The following CFAP54 variants were observed in gnomAD, a reference collection of about 807,000 sequenced individuals.
The protein encoded by CFAP54 is cilia- and flagella-associated protein 54.
A neutral mutation model predicts 370.4 loss-of-function variants in CFAP54; 290 were observed. The observed-to-expected ratio is 0.78, with a 90% CI of 0.71 to 0.86. The LOEUF is 0.86. CFAP54 is among the 40% of genes least tolerant of loss of function. CFAP54 has a pLI of 0.00. For missense variants in CFAP54, 3,399 were observed against 3,528.7 expected (o/e 0.96, Z 0.93); for synonymous variants, 1,206 against 1,236.5 (o/e 0.98, Z 0.52).
At chr12:96,821,991 T>C (rs1959040666) in intron 65 of CFAP54, among the ~76,000 whole-genome samples, 1 of 152,180 alleles carries the variant, frequency 6.6e-6, no homozygotes, top group Non-Finnish European at 1.5e-5. Context: ...TGTTTTCTTC[T>C]TCACTCCCTT....
chr12:96,691,388 T>C, intron 44 of CFAP54, 78 bp downstream of exon 44: 1 of 1,076,328 alleles, frequency 9.3e-7, no homozygotes, highest in Non-Finnish European at 1.3e-6. Context: ...AAAATTTTGC[T>C]AATGTTCTTT....
intron 60 of CFAP54, among the ~76,000 whole-genome samples, chr12:96,780,214 AT>A (rs1467072971): frequency 6.6e-6 from 1 of 152,130 alleles, no homozygotes; most frequent in African/African-American, 2.4e-5. Flanking sequence ...AGTCCTTATA[AT>A]GGTTTGTATG....
At chr12:96,680,321 A>G (rs139408604) in intron 40 of CFAP54, among the ~76,000 whole-genome samples, 2 of 152,280 alleles carry the variant, frequency 1.3e-5, no homozygotes, top group African/African-American at 4.8e-5. Context: ...ATTCAAGCAA[A>G]GCTGGGCTTT....
At chr12:96,797,948 C>T (rs1189151470) in intron 63 of CFAP54, among the ~76,000 whole-genome samples, 1 of 151,738 alleles carries the variant, frequency 6.6e-6, no homozygotes, top group Non-Finnish European at 1.5e-5. Flanking sequence ...ATTTCTTTAT[C>T]ATTCATTTTT....
Position 96,630,185 on chromosome 12 carries a change from C to A in CFAP54, c.4196C>A (p.Ala1399Glu). 1 of 1,487,876 alleles carries A rather than the reference C, an allele frequency of 6.7e-7. No homozygotes were observed. The highest frequency in any genetic ancestry group is 9.0e-7 in the Non-Finnish European group (1 of 1,112,362). 92.2% of individuals were successfully genotyped at this position (1,487,876 alleles called of 1,614,324 possible). ...AACAAATCTTTAAAGTTCAAAGCTG[C>A]AGTAATGGAAATTGGAAGAGTAAGT... ...KANKSLKFKAAVMEIGRSAEM... is the reference protein window; with the variant it reads ...KANKSLKFKAEVMEIGRSAEM... Residue 1399 changes from alanine to glutamate, a missense_variant, in exon 31 of 68, where the codon GCA becomes GAA. By Grantham distance (107) the Ala-to-Glu change is moderately radical (BLOSUM62 -1). Around this residue, in one of 3 missense-constraint regions of CFAP54, gnomAD observed 2,796 missense variants for 2,869.7 expected, o/e 0.97. Transcript: ENST00000524981.
intron 50 of CFAP54, among the ~76,000 whole-genome samples, chr12:96,732,237 T>A (rs1957929585): frequency 6.6e-6 from 1 of 152,162 alleles, no homozygotes; most frequent in Non-Finnish European, 1.5e-5. Flanking sequence ...ATGATTCTCC[T>A]GTCTCAGCTT....
At chr12:96,738,092 C>G (rs1364139847) in intron 50 of CFAP54, among the ~76,000 whole-genome samples, 1 of 152,118 alleles carries the variant, frequency 6.6e-6, no homozygotes, top group Admixed American at 6.5e-5. Context: ...GGTCATCCAG[C>G]CTGGAGATGA....
chr12:96,780,999 G>A (rs1407271419), intron 60 of CFAP54, among the ~76,000 whole-genome samples: 1 of 151,984 alleles, frequency 6.6e-6, no homozygotes, highest in African/African-American at 2.4e-5. Flanking sequence ...TTGAGAATGC[G>A]CCCCAGCACA....
In CFAP54 at chr12:96,810,350, T is replaced by C. The variant is rs139288103; in HGVS notation, c.8851-1386T>C. On this transcript the variant is annotated intron_variant, in intron 63 of 67. Transcript: ENST00000524981. ...TCTCCTCTTGTGTTCTTTCTGTCCT[T>C]GTGTACTTACGCCTTTTAAAAATAC... Among the ~76,000 whole-genome samples, 31 of 152,246 alleles carry C rather than the reference T, an allele frequency of 2.0e-4. 1 individual carries two copies. Among genetic ancestry groups the C allele is most frequent in the Admixed American group, 5.2e-4 (8 of 15,280 alleles).
At chr12:96,541,561 C>T (rs1050639343) in intron 14 of CFAP54, among the ~76,000 whole-genome samples, 2 of 152,130 alleles carry the variant, frequency 1.3e-5, no homozygotes, top group Non-Finnish European at 2.9e-5. Context: ...GCTGGGATTA[C>T]AGATGTGAGC....
rs1211218146 is a variant in CFAP54, at chr12:96,704,476, A to G, written c.6475-267A>G. Among the ~76,000 whole-genome samples, 60 of 108,494 alleles carry G rather than the reference A, an allele frequency of 5.5e-4. 2 individuals are homozygous for G. In the East Asian group the frequency reaches 9.7e-3, roughly 17 times the overall value. The allele number at this position is 108,494 out of a possible 152,430, so 71.2% of individuals were successfully genotyped here. A position where few individuals can be genotyped will look rare whatever the true frequency, so the allele number is the denominator to read the frequency against. ...TGTATATATATATATATATATATAT[A>G]TATATATATATATATATATATATAT... On this transcript the variant is annotated intron_variant, in intron 46 of 67. Coordinates refer to ENST00000524981, the MANE Select transcript of CFAP54 (RefSeq NM_001306084.2).
At chr12:96,505,881 T>C (rs1955094454) in intron 3 of CFAP54, among the ~76,000 whole-genome samples, 1 of 152,148 alleles carries the variant, frequency 6.6e-6, no homozygotes. Context: ...TTCCCTCCTC[T>C]AAGAGCAGTG....
At chr12:96,639,369 A>T (rs1275904813) in intron 32 of CFAP54, among the ~76,000 whole-genome samples, 2 of 152,226 alleles carry the variant, frequency 1.3e-5, no homozygotes, top group Non-Finnish European at 2.9e-5. Context: ...CTCTCCCAAG[A>T]CTAAACCAGG....
intron 4 of CFAP54, among the ~76,000 whole-genome samples, chr12:96,509,007 G>T (rs1955137683): frequency 6.6e-6 from 1 of 152,136 alleles, no homozygotes; most frequent in Admixed American, 6.5e-5. Context: ...TACTCTTCCT[G>T]TTTTAATTTA....
Position 96,756,493 on chromosome 12 carries a change from T to C in CFAP54, c.7876T>C (p.Ser2626Pro), listed in dbSNP as rs761244820. The C allele has an allele frequency of 6.2e-6, 10 of 1,602,580 alleles. No individual in the cohort carries two copies. The East Asian group carries it at 2.2e-4, about 36-fold the overall frequency. The change falls in exon 57 of 68, where the codon TCT (serine) becomes CCT (proline). Residue 2626 changes from serine to proline, a missense_variant. Transcript: ENST00000524981. The part of the protein sequence containing the change: ...IERQILMEEK[S>P]PSFQLESLYE... ...ACGTCAAATACTAATGGAAGAGAAA[T>C]CTCCAAGTTTTCAACTTGAGAGTTT...
chr12:96,639,636 T>A (rs1160085989), intron 32 of CFAP54, among the ~76,000 whole-genome samples: 1 of 152,172 alleles, frequency 6.6e-6, no homozygotes, highest in Non-Finnish European at 1.5e-5. Flanking sequence ...AAAAGGAGAA[T>A]TTTAGAGCAG....
intron 65 of CFAP54, among the ~76,000 whole-genome samples, chr12:96,825,281 T>TTA (rs1555339647): frequency 3.2e-5 from 4 of 126,014 alleles, no homozygotes; most frequent in East Asian, 2.5e-4. Context: ...ACATGTTATA[T>TTA]TATATATAAT....
intron 39 of CFAP54, among the ~76,000 whole-genome samples, chr12:96,669,540 A>T (rs1271983227): frequency 6.6e-6 from 1 of 152,156 alleles, no homozygotes; most frequent in Non-Finnish European, 1.5e-5. Context: ...GAGACAGAGG[A>T]TGTCCACAGG....
intron 5 of CFAP54, among the ~76,000 whole-genome samples, chr12:96,516,040 T>C (rs969655474): frequency 6.6e-6 from 1 of 150,704 alleles, no homozygotes; most frequent in African/African-American, 2.4e-5. Context: ...CTCAGCCTCC[T>C]GAGTAGCTGG....
Sources: allele counts gnomAD v4.1 joint callset (sites outside exome capture counted in the v4.1 genomes callset), GRCh38; gene constraint gnomAD v4.1.1; regional missense constraint gnomAD v4.1.1; transcripts MANE v1.5; gene names NCBI Gene and HGNC (gene_info 2026-07-23, HGNC 2026-07-21).